Variants in NNAT observed in about 807,000 individuals in gnomAD.
The protein encoded by NNAT is neuronatin.
NNAT carries 8 observed loss-of-function variants against 12.7 expected under a neutral mutation model. That is an observed-to-expected ratio of 0.63 (90% CI 0.37 to 1.14). The LOEUF is 1.14. NNAT is among the 50% of genes most tolerant of loss of function. The pLI, the probability that NNAT is intolerant of heterozygous loss-of-function variation, is 0.01. For synonymous variants in NNAT, 52 were observed against 48.5 expected (o/e 1.07, Z -0.30); for missense variants, 94 against 108.3 (o/e 0.87, Z 0.59).
chr20:37,523,271 G>A lies in NNAT; in HGVS notation c.*512G>A, dbSNP rs534231294. On this transcript the variant is annotated 3_prime_UTR_variant, in exon 3 of 3. Coordinates refer to ENST00000649451, the MANE Select transcript of NNAT (RefSeq NM_005386.4). ...AAGGAGGGTGGTTAAGAAATACAGTGGGGCCCTCTCGCTGTCCCTTGCCCA... is the reference window on the plus strand; with the variant it reads ...AAGGAGGGTGGTTAAGAAATACAGTAGGGCCCTCTCGCTGTCCCTTGCCCA... The A allele has an allele frequency of 1.3e-5, 2 of 153,134 alleles. No homozygotes were observed. The highest frequency in any genetic ancestry group is 2.1e-4 in the South Asian group (1 of 4,854). The allele number at this position is 153,134 out of a possible 1,614,324, so 9.5% of individuals were successfully genotyped here.
chr20:37,522,697 T>C lies in NNAT; in HGVS notation c.184T>C (p.Tyr62His), dbSNP rs1407973917. The part of the protein sequence containing the change: ...VFRYSLQKLA[Y>H]TVSRTGRQVL... Reference sequence around the variant, plus strand: ...CAGGTACTCCCTGCAGAAGCTGGCATACACGGTGTCGCGGACCGGGCGGCA... The same window carrying C: ...CAGGTACTCCCTGCAGAAGCTGGCACACACGGTGTCGCGGACCGGGCGGCA... The change falls in exon 3 of 3, where the codon TAC (tyrosine) becomes CAC (histidine). Residue 62 changes from tyrosine (Y) to histidine (H), a missense_variant. Tyr to His is a moderately conservative substitution (Grantham distance 83). Transcript: ENST00000649451. 1.9e-6 allele frequency: 3 copies of C among 1,612,404 alleles called. No homozygotes were observed. Among genetic ancestry groups the C allele is most frequent in the Middle Eastern group, 1.8e-4 (1 of 5,498 alleles).
chr20:37,521,272 G>C lies in NNAT; in HGVS notation c.-60G>C, dbSNP rs2071558218. On this transcript the variant is annotated 5_prime_UTR_variant, in exon 1 of 3. Coordinates refer to ENST00000649451, the MANE Select transcript of NNAT (RefSeq NM_005386.4). The surrounding 1 kb of genome is among the most constrained non-coding windows in gnomAD (Gnocchi z 4.5). ...GGCAGTGCGCCCAACAGCGGACTCC[G>C]AGACCAGCGGATCTCGGCAAACCCT... 8 of 1,575,478 alleles carry C rather than the reference G, an allele frequency of 5.1e-6. No individual in the cohort carries two copies. Among genetic ancestry groups the C allele is most frequent in the Non-Finnish European group, 7.0e-6 (8 of 1,145,600 alleles).
chr20:37,522,180 CA>C (rs34619095), intron 1 of NNAT, among the ~76,000 whole-genome samples, 177 bp from the exon 2 acceptor site: 6 of 104,792 alleles, frequency 5.7e-5, no homozygotes, highest in Admixed American at 2.1e-4. Context: ...AATTGCTTTA[CA>C]AAAAAAAAAA....
Position 37,521,973 on chromosome 20 carries a change from G to A in NNAT, c.73-385G>A, listed in dbSNP as rs527560188. ...ACAGGAAAACAGAAAAACGCGCATTGCAGGAAAAATAAATCGGAGAAAAGC... is the reference window on the plus strand; with the variant it reads ...ACAGGAAAACAGAAAAACGCGCATTACAGGAAAAATAAATCGGAGAAAAGC... On this transcript the variant is annotated intron_variant, in intron 1 of 2. Coordinates refer to ENST00000649451, the MANE Select transcript of NNAT (RefSeq NM_005386.4). This position sits in a 1 kb window ranked among gnomAD's most constrained non-coding sequence, Gnocchi z 4.5. Among the ~76,000 whole-genome samples, 141 of 149,230 alleles carry A rather than the reference G, an allele frequency of 9.4e-4. No individual in the cohort carries two copies. Among genetic ancestry groups the A allele is most frequent in the African/African-American group, 3.3e-3 (135 of 40,860 alleles).
Position 37,522,714 on chromosome 20 carries a change from C to T in NNAT, c.201C>T (p.Thr67=), listed in dbSNP as rs756916248. The T allele has an allele frequency of 2.2e-5, 35 of 1,611,816 alleles. 1 individual carries two copies. The highest frequency in any genetic ancestry group is 2.1e-4 in the African/African-American group (16 of 74,852). The change falls in exon 3 of 3, where the codon ACC becomes ACT. Residue 67 remains threonine, a synonymous_variant. Coordinates refer to ENST00000649451, the MANE Select transcript of NNAT (RefSeq NM_005386.4). ...AGCTGGCATACACGGTGTCGCGGAC[C>T]GGGCGGCAGGTGTTGGGGGAGCGCA... is the stretch of plus-strand genomic sequence containing the variant. The part of the protein sequence containing the change: ...LQKLAYTVSR[T]GRQVLGERRQ...
chr20:37,522,108 T>C (rs2071600553), intron 1 of NNAT, among the ~76,000 whole-genome samples: 1 of 131,956 alleles, frequency 7.6e-6, no homozygotes, highest in South Asian at 2.3e-4. Context: ...AGAAAAAAAT[T>C]AGAGGAAAAA....
In NNAT at chr20:37,521,595, T is replaced by C. The variant is rs905432328; in HGVS notation, c.72+192T>C. On this transcript the variant is annotated intron_variant, in intron 1 of 2. Transcript: ENST00000649451. The surrounding 1 kb of genome is among the most constrained non-coding windows in gnomAD (Gnocchi z 4.5). ...TGCGCCGTCCTCCTCGCGCTGACCC[T>C]CCCTAGTGCGCCCGCGCCTGCCAGG... is the stretch of plus-strand genomic sequence containing the variant. The C allele has an allele frequency of 8.4e-6, 5 of 591,806 alleles. No homozygotes were observed. Among genetic ancestry groups the C allele is most frequent in the Non-Finnish European group, 1.5e-5 (5 of 337,488 alleles). 36.7% of individuals were successfully genotyped at this position (591,806 alleles called of 1,614,324 possible).
Sources: gnomAD v4.1 joint callset for allele counts (sites outside exome capture counted in the v4.1 genomes callset) on GRCh38, gnomAD v4.1.1 for gene constraint, Gnocchi (gnomAD v3.1) non-coding constraint, MANE v1.5 for transcripts, NCBI Gene and HGNC (gene_info 2026-07-23, HGNC 2026-07-21) for gene names.